The following CNKSR2 variants were observed in gnomAD, a reference collection of about 807,000 sequenced individuals.
CNKSR2 encodes CNK homolog protein 2.
A neutral mutation model predicts 84.4 loss-of-function variants in CNKSR2; 14 were observed. That is an observed-to-expected ratio of 0.17 (90% CI 0.11 to 0.26). CNKSR2 has a LOEUF of 0.26. Ranked by LOEUF, CNKSR2 falls within the 10% of genes least tolerant of loss-of-function variation. The pLI is 1.00. For missense variants in CNKSR2, 485 were observed against 771.2 expected, an observed-to-expected ratio of 0.63 and a Z score of 4.40; for synonymous variants, 275 against 277.9, an observed-to-expected ratio of 0.99 and a Z score of 0.10.
chrX:21,505,069 A>C (rs1048792216), intron 8 of CNKSR2: 3 of 235,012 alleles, frequency 1.3e-5, no homozygotes, highest in Non-Finnish European at 1.5e-5. Context: ...TTTTTAGCTG[A>C]TGAGACTACT....
intron 1 of CNKSR2, among the ~76,000 whole-genome samples, chrX:21,411,780 C>G (rs780203987): frequency 9.0e-6 from 1 of 110,943 alleles, no homozygotes; most frequent in South Asian, 3.8e-4. Flanking sequence ...CTTTACTTTC[C>G]TTCAATTACT....
Position 21,490,587 on chromosome X carries a change from T to C in CNKSR2, c.681+9T>C. 4.2e-6 allele frequency: 5 copies of C among 1,203,179 alleles called. 1 individual carries two copies. The Middle Eastern group carries it at 1.2e-3, about 279-fold the overall frequency. On this transcript the variant is annotated intron_variant, in intron 6 of 21. Transcript: ENST00000379510. ...AACCAAGCGAAGGGCTGGTAAGAGA[T>C]ACCATGTTTATCAAAACCACCATCC...
At chrX:21,580,138 T>C (rs1257023391) in intron 13 of CNKSR2, among the ~76,000 whole-genome samples, 1 of 112,152 alleles carries the variant, frequency 8.9e-6, no homozygotes, top group African/African-American at 3.2e-5. Flanking sequence ...AGTCTTAAAA[T>C]CATGTTTTAC....
At chrX:21,392,136 A>G (rs2090059472) in intron 1 of CNKSR2, among the ~76,000 whole-genome samples, 1 of 110,177 alleles carries the variant, frequency 9.1e-6, no homozygotes, top group African/African-American at 3.4e-5. Context: ...CATTTTGGTT[A>G]CAATCATTCA....
At chrX:21,395,596 G>T (rs1015757131) in intron 1 of CNKSR2, among the ~76,000 whole-genome samples, 1 of 110,186 alleles carries the variant, frequency 9.1e-6, no homozygotes, top group Non-Finnish European at 1.9e-5. Flanking sequence ...CTTCTGTCAG[G>T]GTTACCTATG....
Position 21,648,855 on chromosome X carries a change from G to A in CNKSR2, c.2717G>A (p.Gly906Glu). The change falls in exon 21 of 22, where the codon GGA becomes GAA. Residue 906 changes from glycine to glutamate, a missense_variant. Around this residue, in one of 5 missense-constraint regions of CNKSR2, gnomAD observed 210 missense variants for 291.5 expected, o/e 0.72. Coordinates refer to ENST00000379510, the MANE Select transcript of CNKSR2 (RefSeq NM_014927.5). ...EKSESREEKL[G>E]DSLQDLYRAL... ...GGTGAAAGCAGAGAAGAAAAGTTAG[G>A]AGACTCATTGCAAGATTTATACAGG... is the stretch of plus-strand genomic sequence containing the variant. The A allele has an allele frequency of 8.9e-7, 1 of 1,122,524 alleles. No individual in the cohort carries two copies. Among genetic ancestry groups the A allele is most frequent in the Non-Finnish European group, 1.2e-6 (1 of 847,141 alleles). 92.5% of individuals were successfully genotyped at this position (1,122,524 alleles called of 1,213,427 possible).
chrX:21,390,328 C>T (rs2090031038), intron 1 of CNKSR2, among the ~76,000 whole-genome samples: 1 of 111,380 alleles, frequency 9.0e-6, no homozygotes, highest in Admixed American at 9.5e-5. Context: ...GGCATAAAGA[C>T]CTACCCGAGA....
chrX:21,425,219 A>G (rs772364351), intron 1 of CNKSR2: 6 of 112,056 alleles, frequency 5.4e-5, no homozygotes, highest in Admixed American at 3.8e-4. Flanking sequence ...TATTGCCATC[A>G]CTGTGAAAAC....
chrX:21,420,138 C>G (rs1569158137), intron 1 of CNKSR2, among the ~76,000 whole-genome samples: 1 of 112,593 alleles, frequency 8.9e-6, no homozygotes, highest in Non-Finnish European at 1.9e-5. Flanking sequence ...CTTCTCTCCC[C>G]TTTCCAAAGG....
intron 13 of CNKSR2, among the ~76,000 whole-genome samples, chrX:21,588,095 G>A (rs367559499): frequency 1.3e-4 from 15 of 112,179 alleles, no homozygotes; most frequent in African/African-American, 3.9e-4. Context: ...AGGGAAGCCC[G>A]TTAGAGATTC....
At chrX:21,589,511 A>C (rs1158043750) in intron 13 of CNKSR2, among the ~76,000 whole-genome samples, 1 of 112,340 alleles carries the variant, frequency 8.9e-6, no homozygotes, top group Admixed American at 9.5e-5. Context: ...AAAAGCACAC[A>C]TGCTATCTCT....
At chrX:21,419,209 G>A (rs1195709993) in intron 1 of CNKSR2, among the ~76,000 whole-genome samples, 1 of 110,135 alleles carries the variant, frequency 9.1e-6, no homozygotes, top group Non-Finnish European at 1.9e-5. Flanking sequence ...TATGACAATT[G>A]CATTTTTCAG....
chrX:21,428,631 A>G (rs1321852387), intron 2 of CNKSR2: 2 of 111,553 alleles, frequency 1.8e-5, no homozygotes, highest in Admixed American at 1.9e-4. Flanking sequence ...AAATGTAAAT[A>G]AAAATATATA....
intron 1 of CNKSR2, among the ~76,000 whole-genome samples, chrX:21,397,749 A>G (rs1368402071): frequency 9.0e-6 from 1 of 111,554 alleles, no homozygotes; most frequent in Admixed American, 9.5e-5. Flanking sequence ...AGGATTTTGA[A>G]TGGTCCCAAC....
rs776729024 is a variant in CNKSR2, at chrX:21,440,873, T to C, written c.519+92T>C. 9.6e-4 allele frequency: 476 copies of C among 495,550 alleles called. 1 individual carries two copies. The highest frequency in any genetic ancestry group is 1.4e-3 in the Non-Finnish European group (413 of 304,903). The allele number at this position is 495,550 out of a possible 1,213,427, so 40.8% of individuals were successfully genotyped here. A position where few individuals can be genotyped will look rare whatever the true frequency, so the allele number is the denominator to read the frequency against. ...TCCTATGTACCAAGAGTTTTTAAGA[T>C]ACTGGTTTAGAAGTTTCTCAAAGAC... On this transcript the variant is annotated intron_variant, in intron 4 of 21. Coordinates refer to ENST00000379510, the MANE Select transcript of CNKSR2 (RefSeq NM_014927.5).
At chrX:21,433,826 A>C (rs1235851774) in intron 3 of CNKSR2, among the ~76,000 whole-genome samples, 1 of 110,744 alleles carries the variant, frequency 9.0e-6, no homozygotes, top group East Asian at 2.8e-4. Flanking sequence ...ATACTTATAC[A>C]TAATATAAAG....
chrX:21,484,888 A>G lies in CNKSR2; in HGVS notation c.562-5571A>G, dbSNP rs1046218164. ...GAACACTTTCTGCATTTCTTTTTTA[A>G]AAAAACAATAGCTGGCCAGGCGTGG... On this transcript the variant is annotated intron_variant, in intron 5 of 21. Coordinates refer to ENST00000379510, the MANE Select transcript of CNKSR2 (RefSeq NM_014927.5). Among the ~76,000 whole-genome samples the G allele has an allele frequency of 3.6e-5, 4 of 111,958 alleles. No individual in the cohort carries two copies. The East Asian group carries it at 1.1e-3, about 31-fold the overall frequency.
chrX:21,570,909 C>T (rs1157421232), intron 13 of CNKSR2, among the ~76,000 whole-genome samples: 1 of 111,493 alleles, frequency 9.0e-6, no homozygotes, highest in Non-Finnish European at 1.9e-5. Flanking sequence ...TTACCTCTCT[C>T]AGCCTTCATA....
intron 5 of CNKSR2, among the ~76,000 whole-genome samples, chrX:21,480,449 C>A (rs967746017): frequency 9.8e-5 from 11 of 112,096 alleles, no homozygotes; most frequent in African/African-American, 3.6e-4. Flanking sequence ...CTTAGTTGAG[C>A]TATCAATATG....
Sources: gnomAD v4.1 joint callset for allele counts (sites outside exome capture counted in the v4.1 genomes callset) on GRCh38, gnomAD v4.1.1 for gene constraint, gnomAD v4.1.1 regional missense constraint, MANE v1.5 for transcripts, NCBI Gene and HGNC (gene_info 2026-07-23, HGNC 2026-07-21) for gene names.